CDC42BPB: variants seen among roughly 807,000 people sequenced by gnomAD.
The protein encoded by CDC42BPB is CDC42 binding protein kinase beta, also known as serine/threonine-protein kinase MRCK beta.
In CDC42BPB, 37 loss-of-function variants were observed where a neutral mutation model predicts 214.9. The observed-to-expected ratio is 0.17, with a 90% CI of 0.13 to 0.23. The LOEUF is 0.23. CDC42BPB is among the 10% of genes least tolerant of loss of function. The pLI, the probability that CDC42BPB is intolerant of heterozygous loss-of-function variation, is 1.00. For missense variants in CDC42BPB, 1,694 were observed against 2,227.0 expected (o/e 0.76, Z 4.82); for synonymous variants, 931 against 884.0 (o/e 1.05, Z -0.94).
chr14:102,939,746 T>G lies in CDC42BPB; in HGVS notation c.4710-19A>C. Reference sequence around the variant, plus strand: ...CATCTCTCTGGGGAAAGGACACACTTTTGAGATTCATGGATACGTGAGAAT... The same window carrying G: ...CATCTCTCTGGGGAAAGGACACACTGTTGAGATTCATGGATACGTGAGAAT... On this transcript the variant is annotated intron_variant, in intron 33 of 36. Transcript: ENST00000361246. 1 of 1,614,078 alleles carries G rather than the reference T, an allele frequency of 6.2e-7. No homozygotes were observed. Among genetic ancestry groups the G allele is most frequent in the Non-Finnish European group, 8.5e-7 (1 of 1,180,006 alleles).
At position 102,940,277 on chromosome 14, in the gene CDC42BPB, C is replaced by T. The variant is rs1421900220; in HGVS notation, c.4456G>A (p.Val1486Ile). The part of the protein sequence containing the change: ...VTVYSEYGVD[V>I]FDVRTMEWVQ... ...CACTCCATGGTGCGCACATCAAAGA[C>T]GTCCACGCCATACTCGCTGTACACC... The change falls in exon 31 of 37, where the codon GTC becomes ATC. Residue 1486 changes from valine to isoleucine, a missense_variant. Around this residue, in one of 7 missense-constraint regions of CDC42BPB, gnomAD observed 567 missense variants for 790.3 expected, o/e 0.72. Coordinates refer to ENST00000361246, the MANE Select transcript of CDC42BPB (RefSeq NM_006035.4). 12 of 1,594,062 alleles carry T rather than the reference C, an allele frequency of 7.5e-6. No homozygotes were observed. Among genetic ancestry groups the T allele is most frequent in the South Asian group, 2.3e-5 (2 of 88,538 alleles).
At chr14:102,948,138 G>T (rs1319067764) in intron 26 of CDC42BPB, among the ~76,000 whole-genome samples, 1 of 65,440 alleles carries the variant, frequency 1.5e-5, no homozygotes, top group Non-Finnish European at 3.0e-5. Context: ...GAGGACAAGT[G>T]GGGTGAGGGG....
chr14:102,957,584 C>CT (rs1413368449), intron 21 of CDC42BPB, among the ~76,000 whole-genome samples: 1 of 152,226 alleles, frequency 6.6e-6, no homozygotes, highest in African/African-American at 2.4e-5. Context: ...AGATTTGCTT[C>CT]TTCAAAACTG....
chr14:102,939,975 T>A, intron 32 of CDC42BPB, 28 bp from the exon 33 acceptor site: 1 of 1,613,678 alleles, frequency 6.2e-7, no homozygotes, highest in South Asian at 1.1e-5. Flanking sequence ...GCGGTGACGG[T>A]GCTGCGGCAC....
At position 103,006,327 on chromosome 14, in the gene CDC42BPB, C is replaced by T. The variant is rs139757996; in HGVS notation, c.351+2145G>A. Among the ~76,000 whole-genome samples, 211 of 152,370 alleles carry T rather than the reference C, an allele frequency of 1.4e-3. 1 individual carries two copies. Among genetic ancestry groups the T allele is most frequent in the African/African-American group, 4.8e-3 (200 of 41,586 alleles). On this transcript the variant is annotated intron_variant, in intron 3 of 36. Coordinates refer to ENST00000361246, the MANE Select transcript of CDC42BPB (RefSeq NM_006035.4). Reference sequence around the variant, plus strand: ...TGGGCTCAGGAGGCCGGGGCTGCCCCGAGGATCTGCGGCACCTGTGCCAAC... The same window carrying T: ...TGGGCTCAGGAGGCCGGGGCTGCCCTGAGGATCTGCGGCACCTGTGCCAAC...
intron 4 of CDC42BPB, 40 bp downstream of exon 4, chr14:103,003,888 G>A (rs780164934): frequency 1.3e-6 from 2 of 1,507,044 alleles, no homozygotes; most frequent in South Asian, 1.1e-5. Flanking sequence ...AATAAAGCCG[G>A]AGCGAATGCC....
chr14:102,952,794 G>A, intron 23 of CDC42BPB, 191 bp from the exon 24 acceptor site: 1 of 908,782 alleles, frequency 1.1e-6, no homozygotes, highest in Non-Finnish European at 1.3e-6. Flanking sequence ...CTACGAGCCT[G>A]AGCCAGAGAG....
chr14:102,990,268 A>G (rs74665720), intron 5 of CDC42BPB, among the ~76,000 whole-genome samples: 2,216 of 152,316 alleles, frequency 0.015, 46 homozygotes, highest in African/African-American at 0.051. Flanking sequence ...AAAACAAAAC[A>G]AATCCAAGTG....
intron 19 of CDC42BPB, among the ~76,000 whole-genome samples, chr14:102,964,165 GA>G (rs1477884927): frequency 1.3e-5 from 2 of 152,250 alleles, no homozygotes; most frequent in Non-Finnish European, 2.9e-5. Flanking sequence ...GCACGGAGGT[GA>G]CTAAGCAGTG....
chr14:103,011,518 G>A (rs1156890691), intron 2 of CDC42BPB, among the ~76,000 whole-genome samples: 2 of 152,190 alleles, frequency 1.3e-5, no homozygotes, highest in African/African-American at 4.8e-5. Flanking sequence ...ATCTGGGCAG[G>A]TGGATCACTT....
At chr14:102,968,835 G>C in intron 14 of CDC42BPB, 119 bp from the exon 15 acceptor site, 3 of 1,515,284 alleles carry the variant, frequency 2.0e-6, no homozygotes, top group Non-Finnish European at 2.6e-6. Flanking sequence ...GTGTGTGCCT[G>C]GTCTACACCA....
At chr14:103,016,553 G>T (rs866441436) in intron 1 of CDC42BPB, among the ~76,000 whole-genome samples, 1 of 150,892 alleles carries the variant, frequency 6.6e-6, no homozygotes, top group Non-Finnish European at 1.5e-5. Context: ...AACCAGGTGA[G>T]GGGAGGGAAC....
In CDC42BPB at chr14:102,950,540, G is replaced by C. The variant is rs1029990072; in HGVS notation, c.3235C>G (p.Pro1079Ala). ...CCCAGAGGCCTCTTGGACTGCTCGG[G>C]AGGTATTGGGCACACCTGGGGGGCA... ...DGAPQVCPIP[P>A]EQSKRPLGVD... The change falls in exon 25 of 37, where the codon CCC (proline) becomes GCC (alanine). Residue 1079 changes from proline to alanine, a missense_variant. By Grantham distance (27) the Pro-to-Ala change is conservative (BLOSUM62 -1). Coordinates refer to ENST00000361246, the MANE Select transcript of CDC42BPB (RefSeq NM_006035.4). 9 of 1,612,444 alleles carry C rather than the reference G, an allele frequency of 5.6e-6. No homozygotes were observed. Among genetic ancestry groups the C allele is most frequent in the African/African-American group, 1.3e-5 (1 of 74,920 alleles).
At position 102,969,371 on chromosome 14, in the gene CDC42BPB, G is replaced by A. The variant is rs35955956; in HGVS notation, c.1996-655C>T. On this transcript the variant is annotated intron_variant, in intron 14 of 36. Transcript: ENST00000361246. ...GCTGGACAGCTGCGGAGCCACGGAG[G>A]CCCTGCCGCACAGGAATGTGATCCG... Among the ~76,000 whole-genome samples, 90 of 152,292 alleles carry A rather than the reference G, an allele frequency of 5.9e-4. No homozygotes were observed. The East Asian group carries it at 0.015, about 26-fold the overall frequency.
At chr14:102,976,445 A>G (rs1406296491) in intron 9 of CDC42BPB, among the ~76,000 whole-genome samples, 2 of 152,232 alleles carry the variant, frequency 1.3e-5, no homozygotes, top group African/African-American at 4.8e-5. Context: ...CCAACTGGCC[A>G]AGCAATCCAG....
In CDC42BPB at chr14:102,943,468, C is replaced by T. The variant is rs1300444554; in HGVS notation, c.4408+423G>A. Among the ~76,000 whole-genome samples, 1 of 152,182 alleles carries T rather than the reference C, an allele frequency of 6.6e-6. No individual in the cohort carries two copies. Among genetic ancestry groups the T allele is most frequent in the African/African-American group, 2.4e-5 (1 of 41,444 alleles). ...TTAGAGGGACTGTAACTTAAGACACCAGAGGTGAATTATTTTCTGGCCACC... is the reference window on the plus strand; with the variant it reads ...TTAGAGGGACTGTAACTTAAGACACTAGAGGTGAATTATTTTCTGGCCACC... On this transcript the variant is annotated intron_variant, in intron 30 of 36. Transcript: ENST00000361246. This position sits in a 1 kb window ranked among gnomAD's most constrained non-coding sequence, Gnocchi z 4.6.
chr14:102,944,164 G>A lies in CDC42BPB; in HGVS notation c.4135C>T (p.Leu1379=), dbSNP rs149319188. 1 of 1,613,288 alleles carries A rather than the reference G, an allele frequency of 6.2e-7. No individual in the cohort carries two copies. The highest frequency in any genetic ancestry group is 1.3e-5 in the African/African-American group (1 of 75,062). Residue 1379 remains leucine (L), a synonymous_variant, in exon 30 of 37, where the codon CTG becomes TTG. Coordinates refer to ENST00000361246, the MANE Select transcript of CDC42BPB (RefSeq NM_006035.4). This position sits in a 1 kb window ranked among gnomAD's most constrained non-coding sequence, Gnocchi z 6.6. Reference sequence around the variant, plus strand: ...CAGAGCCTGTCCCTGAGCACCGCCAGGCACTGCACGCTGCCGGGAGCCACA... The same window carrying A: ...CAGAGCCTGTCCCTGAGCACCGCCAAGCACTGCACGCTGCCGGGAGCCACA... ...EIVAPGSVQC[L]AVLRDRLCVG...
rs962299653 is a variant in CDC42BPB, at chr14:102,959,856, AAAAAG to A, written c.2822-151_2822-147del. ...TCACAATTAAAAAAAAAAAAAAAAA[AAAAAG>A]GGGTCAGGCTTTTCCCCAGAGAGTA... On this transcript the variant is annotated intron_variant, in intron 20 of 36. Transcript: ENST00000361246. 2.9e-4 allele frequency: 383 copies of A among 1,313,238 alleles called. 2 individuals carry two copies. In the African/African-American group the frequency reaches 5.1e-3, roughly 18 times the overall value. The allele number at this position is 1,313,238 out of a possible 1,614,324, so 81.3% of individuals were successfully genotyped here. A position where few individuals can be genotyped will look rare whatever the true frequency, so the allele number is the denominator to read the frequency against.
At chr14:102,971,378 A>T (rs1893465499) in intron 13 of CDC42BPB, among the ~76,000 whole-genome samples, 2 of 152,228 alleles carry the variant, frequency 1.3e-5, no homozygotes, top group Admixed American at 1.3e-4. Context: ...TAGCCTACAT[A>T]AGAAAGCTCT....
Sources: allele counts gnomAD v4.1 joint callset (sites outside exome capture counted in the v4.1 genomes callset), GRCh38; gene constraint gnomAD v4.1.1; regional missense constraint gnomAD v4.1.1; non-coding constraint Gnocchi (gnomAD v3.1); transcripts MANE v1.5; gene names NCBI Gene and HGNC (gene_info 2026-07-23, HGNC 2026-07-21).